SGIP1: variants seen among roughly 807,000 people sequenced by gnomAD.
SGIP1 encodes the protein SH3-containing GRB2-like protein 3-interacting protein 1.
SGIP1 carries 38 observed loss-of-function variants against 107.5 expected under a neutral mutation model. The ratio of observed to expected loss-of-function variants is 0.35; its 90% CI spans 0.27 to 0.46. The LOEUF is 0.46. Among genes scored for constraint, SGIP1 ranks in the 20% least tolerant of loss-of-function variants. The pLI is 1.00. For missense variants in SGIP1, 929 were observed against 1,019.5 expected, an observed-to-expected ratio of 0.91 and a Z score of 1.21; for synonymous variants, 365 against 366.1, an observed-to-expected ratio of 1.00 and a Z score of 0.03.
chr1:66,534,458 G>A (rs1223669623), intron 1 of SGIP1, 90 bp downstream of exon 1: 3 of 1,469,780 alleles, frequency 2.0e-6, no homozygotes, highest in East Asian at 2.3e-5. Flanking sequence ...GTATGTGGCG[G>A]TTCTAGAACC....
At chr1:66,627,065 A>G (rs921044069) in intron 2 of SGIP1, among the ~76,000 whole-genome samples, 1 of 152,206 alleles carries the variant, frequency 6.6e-6, no homozygotes, top group Non-Finnish European at 1.5e-5. Context: ...TAATGAGGTA[A>G]CATATTTGAA....
chr1:66,636,064 A>G (rs1342078463), intron 4 of SGIP1, 49 bp downstream of exon 4: 4 of 1,545,082 alleles, frequency 2.6e-6, no homozygotes, highest in Admixed American at 3.4e-5. Flanking sequence ...TATAAAAAAC[A>G]GTGAGTAAAA....
chr1:66,541,973 G>A (rs1029525160), intron 1 of SGIP1, among the ~76,000 whole-genome samples: 9 of 152,014 alleles, frequency 5.9e-5, no homozygotes, highest in Non-Finnish European at 1.0e-4. Context: ...TATTTTATTC[G>A]TGCAATGTCT....
At chr1:66,557,867 T>A (rs1252935361) in intron 1 of SGIP1, among the ~76,000 whole-genome samples, 4 of 152,146 alleles carry the variant, frequency 2.6e-5, no homozygotes, top group Admixed American at 2.0e-4. Flanking sequence ...ACTTTGTGGA[T>A]TTGTGATTCA....
chr1:66,582,132 G>T (rs2061907109), intron 1 of SGIP1, among the ~76,000 whole-genome samples: 1 of 152,050 alleles, frequency 6.6e-6, no homozygotes, highest in African/African-American at 2.4e-5. Context: ...TGCTTTTAGA[G>T]CTGGGAAAGA....
intron 1 of SGIP1, among the ~76,000 whole-genome samples, chr1:66,549,960 G>C (rs138836580): frequency 6.9e-4 from 105 of 152,234 alleles, no homozygotes; most frequent in South Asian, 1.7e-3. Flanking sequence ...TGTTCCAGAA[G>C]GAAGCAGGAA....
intron 17 of SGIP1, chr1:66,694,576 A>C: frequency 8.0e-7 from 1 of 1,253,104 alleles, no homozygotes; most frequent in South Asian, 1.6e-5. Flanking sequence ...TCTGAATGCT[A>C]TAAACTTCAT....
intron 1 of SGIP1, among the ~76,000 whole-genome samples, chr1:66,609,841 C>T (rs2067593287): frequency 6.6e-6 from 1 of 152,152 alleles, no homozygotes; most frequent in Non-Finnish European, 1.5e-5. Flanking sequence ...TTGTGGAGAG[C>T]ACCACACAAT....
At chr1:66,688,881 T>C (rs1353589993) in intron 15 of SGIP1, among the ~76,000 whole-genome samples, 1 of 152,082 alleles carries the variant, frequency 6.6e-6, no homozygotes, top group Non-Finnish European at 1.5e-5. Flanking sequence ...CTTACCTCTG[T>C]CATAGAGCAA....
chr1:66,673,190 A>G (rs1240817757), intron 11 of SGIP1, 91 bp from the exon 12 acceptor site: 3 of 1,330,922 alleles, frequency 2.3e-6, no homozygotes, highest in Non-Finnish European at 3.2e-6. Flanking sequence ...CACTTGTTTC[A>G]CTAAGAAAAA....
intron 1 of SGIP1, among the ~76,000 whole-genome samples, chr1:66,590,761 G>T (rs1570194801): frequency 6.6e-6 from 1 of 152,276 alleles, no homozygotes; most frequent in East Asian, 1.9e-4. Context: ...CACCACACTT[G>T]GCTGATTTTT....
At chr1:66,639,705 G>C in intron 4 of SGIP1, 72 bp from the exon 5 acceptor site, 1 of 1,261,994 alleles carries the variant, frequency 7.9e-7, no homozygotes, top group East Asian at 2.3e-5. Context: ...GCAGATAAGA[G>C]TTAAATGTTC....
intron 19 of SGIP1, among the ~76,000 whole-genome samples, chr1:66,727,628 C>T (rs780468924): frequency 2.0e-5 from 3 of 152,132 alleles, no homozygotes; most frequent in Non-Finnish European, 4.4e-5. Flanking sequence ...GGAAAGAAGC[C>T]AAATGTTCTT....
chr1:66,657,164 A>G (rs1557482705), intron 7 of SGIP1, among the ~76,000 whole-genome samples: 1 of 152,162 alleles, frequency 6.6e-6, no homozygotes, highest in African/African-American at 2.4e-5. Context: ...GAATAAAACT[A>G]GACCCTATCT....
chr1:66,738,459 C>T (rs1009941863), intron 21 of SGIP1, among the ~76,000 whole-genome samples: 2 of 152,206 alleles, frequency 1.3e-5, no homozygotes, highest in Admixed American at 6.5e-5. Context: ...TATTCACCAC[C>T]ATAACGAACA....
At chr1:66,728,075 C>T (rs556908340) in intron 19 of SGIP1, among the ~76,000 whole-genome samples, 32 of 152,176 alleles carry the variant, frequency 2.1e-4, no homozygotes, top group Admixed American at 8.5e-4. Flanking sequence ...TTTCCTTCCA[C>T]GCTATCATCC....
In SGIP1 at chr1:66,641,177, A is replaced by T. The variant is rs571808270; in HGVS notation, c.228+1344A>T. 2.6e-5 allele frequency among the ~76,000 whole-genome samples: 4 copies of T among 152,280 alleles called. No homozygotes were observed. The South Asian group carries it at 8.3e-4, about 32-fold the overall frequency. On this transcript the variant is annotated intron_variant, in intron 5 of 24. Coordinates refer to ENST00000371037, the MANE Select transcript of SGIP1 (RefSeq NM_032291.4). ...AGTCTAGATATCTAATGTACTAAAAATTTGCTAAGAGTTTAAGTGCTCTTA... is the reference window on the plus strand; with the variant it reads ...AGTCTAGATATCTAATGTACTAAAATTTTGCTAAGAGTTTAAGTGCTCTTA...
chr1:66,669,274 C>G (rs924904951), intron 9 of SGIP1, among the ~76,000 whole-genome samples: 1 of 152,134 alleles, frequency 6.6e-6, no homozygotes, highest in African/African-American at 2.4e-5. Context: ...AATTGACACA[C>G]CTGGGAATTG....
chr1:66,621,365 C>T (rs933402638), intron 1 of SGIP1, among the ~76,000 whole-genome samples: 3 of 152,174 alleles, frequency 2.0e-5, no homozygotes, highest in African/African-American at 7.2e-5. Flanking sequence ...CTTTCTTCCC[C>T]ACTTGTTCCC....
Sources: gnomAD v4.1 joint callset for allele counts (sites outside exome capture counted in the v4.1 genomes callset) on GRCh38, gnomAD v4.1.1 for gene constraint, MANE v1.5 for transcripts, NCBI Gene and HGNC (gene_info 2026-07-23, HGNC 2026-07-21) for gene names.